The following ATF6 variants were observed in gnomAD, a reference collection of about 807,000 sequenced individuals.
ATF6 encodes cyclic AMP-dependent transcription factor ATF-6 alpha.
In ATF6, 53 loss-of-function variants were observed where a neutral mutation model predicts 83.6. The ratio of observed to expected loss-of-function variants is 0.63; its 90% CI spans 0.51 to 0.80. The LOEUF (loss-of-function observed/expected upper bound fraction) is 0.80. Among genes scored for constraint, ATF6 ranks in the 30% least tolerant of loss-of-function variants. ATF6 has a pLI of 0.00. For missense variants in ATF6, 744 were observed against 797.9 expected, an observed-to-expected ratio of 0.93 and a Z score of 0.81; for synonymous variants, 288 against 285.8, an observed-to-expected ratio of 1.01 and a Z score of -0.08.
At chr1:161,804,086 T>C (rs1290065480) in intron 7 of ATF6, among the ~76,000 whole-genome samples, 1 of 148,920 alleles carries the variant, frequency 6.7e-6, no homozygotes, top group Admixed American at 6.8e-5. Flanking sequence ...AGTGAGAATA[T>C]GCAGTGTTTG....
intron 14 of ATF6, among the ~76,000 whole-genome samples, chr1:161,874,371 G>A (rs1241161172): frequency 6.6e-6 from 1 of 151,526 alleles, no homozygotes; most frequent in African/African-American, 2.4e-5. Flanking sequence ...TTTAAGATAA[G>A]CTTGTCAAAT....
At chr1:161,773,154 G>T (rs1168722383) in intron 1 of ATF6, among the ~76,000 whole-genome samples, 62 of 107,346 alleles carry the variant, frequency 5.8e-4, no homozygotes, top group African/African-American at 1.7e-3. Flanking sequence ...TTTTTTTTTT[G>T]AGACGGAGTC....
chr1:161,959,784 A>G lies in ATF6; in HGVS notation c.*1130A>G, dbSNP rs1345630289. The G allele has an allele frequency of 6.6e-6, 1 of 152,118 alleles. No homozygotes were observed. Among genetic ancestry groups the G allele is most frequent in the Admixed American group, 6.5e-5 (1 of 15,274 alleles). 9.4% of individuals were successfully genotyped at this position (152,118 alleles called of 1,614,324 possible). ...TCTAGGCCACCAAGTATTAGCACAC[A>G]TACTTATGTTTTCTCTACTAATCTG... On this transcript the variant is annotated 3_prime_UTR_variant, in exon 16 of 16. Transcript: ENST00000367942.
At chr1:161,799,893 T>C (rs1211734817) in intron 6 of ATF6, among the ~76,000 whole-genome samples, 3 of 152,206 alleles carry the variant, frequency 2.0e-5, no homozygotes, top group African/African-American at 7.2e-5. Flanking sequence ...CTTTGAAATA[T>C]TGAGCTGAGT....
At position 161,829,189 on chromosome 1, in the gene ATF6, CTTTTTTTTTTT is replaced by C. The variant is rs35619050; in HGVS notation, c.1187+8043_1187+8053del. On this transcript the variant is annotated intron_variant, in intron 9 of 15. Coordinates refer to ENST00000367942, the MANE Select transcript of ATF6 (RefSeq NM_007348.4). ...ACTCCCACACAATCATAATGGGAGA[CTTTTTTTTTTT>C]TTTTTTTTTTTTTTGGTGAGACGGA... Among the ~76,000 whole-genome samples the C allele has an allele frequency of 2.2e-4, 16 of 72,598 alleles. 1 individual carries two copies. Among genetic ancestry groups the C allele is most frequent in the Non-Finnish European group, 1.8e-4 (7 of 39,764 alleles). 47.6% of individuals were successfully genotyped at this position (72,598 alleles called of 152,430 possible).
chr1:161,827,331 G>C (rs367677143), intron 9 of ATF6, among the ~76,000 whole-genome samples: 10 of 152,220 alleles, frequency 6.6e-5, no homozygotes, highest in Admixed American at 2.0e-4. Flanking sequence ...TAACCACCTG[G>C]AAGATATTTA....
In ATF6 at chr1:161,766,345, A is replaced by G. The variant is rs768033293; in HGVS notation, c.-16A>G. The G allele has an allele frequency of 1.2e-6, 2 of 1,610,410 alleles. No individual in the cohort carries two copies. The highest frequency in any genetic ancestry group is 1.7e-6 in the Non-Finnish European group (2 of 1,177,236). ...AGATATTAATCACGGAGTTCCAGGGAGAAGGAACTTGTGAAATGGGGGAGC... is the reference window on the plus strand; with the variant it reads ...AGATATTAATCACGGAGTTCCAGGGGGAAGGAACTTGTGAAATGGGGGAGC... On this transcript the variant is annotated 5_prime_UTR_variant, in exon 1 of 16. Transcript: ENST00000367942.
intron 1 of ATF6, among the ~76,000 whole-genome samples, chr1:161,772,963 G>GTTTTT (rs34459711): frequency 2.7e-5 from 2 of 73,520 alleles, no homozygotes; most frequent in Admixed American, 1.5e-4. Context: ...TGAAACTCCT[G>GTTTTT]TTTTTTTTTT....
At chr1:161,904,084 C>A (rs1297272423) in intron 14 of ATF6, among the ~76,000 whole-genome samples, 1 of 152,106 alleles carries the variant, frequency 6.6e-6, no homozygotes, top group African/African-American at 2.4e-5. Flanking sequence ...CTTCTGATCC[C>A]AGCTTCCTAT....
chr1:161,770,352 C>G (rs890332191), intron 1 of ATF6, among the ~76,000 whole-genome samples: 1 of 152,166 alleles, frequency 6.6e-6, no homozygotes, highest in African/African-American at 2.4e-5. Context: ...TCTGCCTAGG[C>G]TGCCATAAGA....
chr1:161,775,344 C>T (rs1209642465), intron 1 of ATF6, among the ~76,000 whole-genome samples: 1 of 152,072 alleles, frequency 6.6e-6, no homozygotes, highest in Non-Finnish European at 1.5e-5. Context: ...TCTTATTAAA[C>T]CTCTAACCAC....
intron 6 of ATF6, among the ~76,000 whole-genome samples, chr1:161,794,107 A>G (rs112103053): frequency 0.02 from 3,000 of 152,136 alleles, 104 homozygotes; most frequent in African/African-American, 0.07. Context: ...GGGTTTCACC[A>G]TGTCGGCCAG....
chr1:161,795,130 A>G (rs1488722573), intron 6 of ATF6, among the ~76,000 whole-genome samples: 1 of 152,218 alleles, frequency 6.6e-6, no homozygotes, highest in South Asian at 2.1e-4. Flanking sequence ...ACTATACTGT[A>G]TCGCCTTAAA....
intron 14 of ATF6, among the ~76,000 whole-genome samples, chr1:161,865,176 T>C (rs1176303154): frequency 6.6e-6 from 1 of 152,140 alleles, no homozygotes; most frequent in African/African-American, 2.4e-5. Flanking sequence ...TTTTTTTCTT[T>C]TGAGATGGAT....
chr1:161,861,851 G>A (rs1368753115), intron 13 of ATF6, among the ~76,000 whole-genome samples: 1 of 152,084 alleles, frequency 6.6e-6, no homozygotes, highest in South Asian at 2.1e-4. Context: ...GTTTGAAATG[G>A]CCCCGAGGCA....
chr1:161,884,003 T>C (rs1402326893), intron 14 of ATF6, among the ~76,000 whole-genome samples: 5 of 151,944 alleles, frequency 3.3e-5, no homozygotes, highest in Non-Finnish European at 7.4e-5. Flanking sequence ...TGTATAATAC[T>C]CTATCATGCA....
intron 14 of ATF6, among the ~76,000 whole-genome samples, chr1:161,898,554 TG>T (rs1180089486): frequency 6.6e-6 from 1 of 151,820 alleles, no homozygotes; most frequent in Non-Finnish European, 1.5e-5. Context: ...TTTTTGTTTT[TG>T]TTTTTTTTTT....
intron 4 of ATF6, among the ~76,000 whole-genome samples, chr1:161,787,524 G>A (rs1020281232): frequency 6.6e-6 from 1 of 151,922 alleles, no homozygotes; most frequent in African/African-American, 2.4e-5. Flanking sequence ...ATGCCAGGCC[G>A]CCTGCCATAT....
intron 9 of ATF6, among the ~76,000 whole-genome samples, chr1:161,838,537 C>T (rs374771482): frequency 3.3e-5 from 5 of 152,132 alleles, no homozygotes; most frequent in African/African-American, 4.8e-5. Context: ...AAGTTGGTGA[C>T]GGCTTTCAGC....
Sources: gnomAD v4.1 joint callset for allele counts (sites outside exome capture counted in the v4.1 genomes callset) on GRCh38, gnomAD v4.1.1 for gene constraint, MANE v1.5 for transcripts, NCBI Gene and HGNC (gene_info 2026-07-23, HGNC 2026-07-21) for gene names.